Variants in CRACDL observed in about 807,000 individuals in gnomAD.
The protein encoded by CRACDL is CRACD like, also known as CRACD-like protein.
CRACDL carries 26 observed loss-of-function variants against 70.6 expected under a neutral mutation model. The ratio of observed to expected loss-of-function variants is 0.37; its 90% CI spans 0.27 to 0.51. CRACDL has a LOEUF of 0.51. Among genes scored for constraint, CRACDL ranks in the 20% least tolerant of loss-of-function variants. CRACDL has a pLI of 0.94. For synonymous variants in CRACDL, 618 were observed against 615.2 expected (o/e 1.00, Z -0.07); for missense variants, 1,283 against 1,376.9 (o/e 0.93, Z 1.08).
chr2:98,906,038 T>C lies in CRACDL; in HGVS notation c.-11+29900A>G, dbSNP rs1338576576. Among the ~76,000 whole-genome samples, 8 of 152,138 alleles carry C rather than the reference T, an allele frequency of 5.3e-5. No homozygotes were observed. In the South Asian group the frequency reaches 8.3e-4, roughly 16 times the overall value. ...CCTCAAATATTTTTTGGCCCCAATCTCCCTCTCATCTCCTAAATTCCAATT... is the reference window on the plus strand; with the variant it reads ...CCTCAAATATTTTTTGGCCCCAATCCCCCTCTCATCTCCTAAATTCCAATT... On this transcript the variant is annotated intron_variant, in intron 1 of 9. Coordinates refer to ENST00000397899, the MANE Select transcript of CRACDL (RefSeq NM_207362.3).
At chr2:98,934,446 C>T (rs1164785359) in intron 1 of CRACDL, among the ~76,000 whole-genome samples, 8 of 152,138 alleles carry the variant, frequency 5.3e-5, no homozygotes, top group African/African-American at 1.2e-4. Context: ...CCACCTGCCT[C>T]GGCCTCCCAA....
intron 1 of CRACDL, among the ~76,000 whole-genome samples, chr2:98,917,160 G>A (rs1708686651): frequency 6.6e-6 from 1 of 152,116 alleles, no homozygotes; most frequent in Non-Finnish European, 1.5e-5. Flanking sequence ...TTGTGACTAA[G>A]CATCCTTTAG....
intron 1 of CRACDL, among the ~76,000 whole-genome samples, chr2:98,894,287 A>G (rs1708060747): frequency 6.6e-6 from 1 of 152,254 alleles, no homozygotes; most frequent in Non-Finnish European, 1.5e-5. Context: ...TTGGCTGCGA[A>G]GTCACCCTGA....
At chr2:98,883,235 A>G (rs1376071396) in intron 1 of CRACDL, among the ~76,000 whole-genome samples, 1 of 152,212 alleles carries the variant, frequency 6.6e-6, no homozygotes, top group Non-Finnish European at 1.5e-5. Context: ...AGGGCAGGTC[A>G]CCAAAAACAA....
rs750865698 is a variant in CRACDL at position 98,838,229 on chromosome 2, T to C, written c.129A>G (p.Lys43=). Residue 43 remains lysine, a synonymous_variant, in exon 3 of 10, where the codon AAA becomes AAG. Coordinates refer to ENST00000397899, the MANE Select transcript of CRACDL (RefSeq NM_207362.3). The part of the protein sequence containing the change: ...FKKFFGKKKR[K]ESPSSTGSST... ...TACTTCCTGTGGACGACGGCGATTC[T>C]TTTCTCTTCTTCTTCCCAAAAAACT... is the stretch of plus-strand genomic sequence containing the variant. 1 of 1,613,504 alleles carries C rather than the reference T, an allele frequency of 6.2e-7. No homozygotes were observed.
In CRACDL at chr2:98,821,897, C is replaced by CTCCTTCCTGGGT; in HGVS notation, c.2364_2375dup (p.Lys791_Arg794dup). On this transcript the variant is annotated inframe_insertion, in exon 7 of 10. Transcript: ENST00000397899. ...GCGGCCTTTTCTCCGCCGTCCTGGG[C>CTCCTTCCTGGGT]TCCTTCCTGGGTTCCCGCTCTCCCG... The CTCCTTCCTGGGT allele has an allele frequency of 6.2e-7, 1 of 1,604,580 alleles. No homozygotes were observed. The highest frequency in any genetic ancestry group is 1.1e-5 in the South Asian group (1 of 90,168).
At chr2:98,807,504 G>A (rs935387567) in intron 7 of CRACDL, among the ~76,000 whole-genome samples, 1 of 152,178 alleles carries the variant, frequency 6.6e-6, no homozygotes, top group Non-Finnish European at 1.5e-5. Context: ...CACTGCCAAT[G>A]TCTGCTGGGG....
intron 1 of CRACDL, among the ~76,000 whole-genome samples, chr2:98,892,622 A>G (rs1236811457): frequency 6.6e-6 from 1 of 152,040 alleles, no homozygotes; most frequent in Admixed American, 6.6e-5. Context: ...CCCAGAAGGC[A>G]GAGGTTGCAG....
chr2:98,862,341 A>G (rs1224226352), intron 1 of CRACDL, among the ~76,000 whole-genome samples: 2 of 152,300 alleles, frequency 1.3e-5, no homozygotes, highest in East Asian at 3.9e-4. Context: ...GAGTTACCAT[A>G]CTATTAGACT....
At chr2:98,809,991 C>A (rs937883043) in intron 7 of CRACDL, among the ~76,000 whole-genome samples, 5 of 152,280 alleles carry the variant, frequency 3.3e-5, no homozygotes, top group Admixed American at 3.3e-4. Flanking sequence ...TCAGAGTAAA[C>A]CCCACAGATC....
At chr2:98,922,267 C>T (rs1708821757) in intron 1 of CRACDL, among the ~76,000 whole-genome samples, 1 of 151,632 alleles carries the variant, frequency 6.6e-6, no homozygotes, top group Admixed American at 6.6e-5. Flanking sequence ...AGCCCCGTCT[C>T]TACTAAAATA....
intron 2 of CRACDL, among the ~76,000 whole-genome samples, chr2:98,839,372 A>C (rs530101180): frequency 6.6e-6 from 1 of 152,208 alleles, no homozygotes; most frequent in African/African-American, 2.4e-5. Context: ...TAATCGTAAA[A>C]AATGTTTATG....
chr2:98,830,869 G>A (rs975395583), intron 5 of CRACDL, among the ~76,000 whole-genome samples: 1 of 152,200 alleles, frequency 6.6e-6, no homozygotes, highest in East Asian at 1.9e-4. Context: ...TAAAGGCAGA[G>A]AACTGGGATG....
chr2:98,799,350 G>T (rs994921536), intron 7 of CRACDL, among the ~76,000 whole-genome samples: 1 of 152,058 alleles, frequency 6.6e-6, no homozygotes, highest in Non-Finnish European at 1.5e-5. Flanking sequence ...TACAAGCGGG[G>T]TGGCCACTGC....
In CRACDL at chr2:98,805,370, T is replaced by C. The variant is rs368813721; in HGVS notation, c.2417-7833A>G. Among the ~76,000 whole-genome samples the C allele has an allele frequency of 7.2e-5, 11 of 152,256 alleles. No homozygotes were observed. In the East Asian group the frequency reaches 1.4e-3, roughly 19 times the overall value. On this transcript the variant is annotated intron_variant, in intron 7 of 9. Coordinates refer to ENST00000397899, the MANE Select transcript of CRACDL (RefSeq NM_207362.3). ...AGAAGAGCCTAGCTCCCTGTGCACATAGAGAAATGAGGCAAGTTTGCACCC... is the reference window on the plus strand; with the variant it reads ...AGAAGAGCCTAGCTCCCTGTGCACACAGAGAAATGAGGCAAGTTTGCACCC...
intron 1 of CRACDL, among the ~76,000 whole-genome samples, chr2:98,866,472 C>CTTTT (rs869154325): frequency 6.5e-5 from 7 of 107,808 alleles, no homozygotes; most frequent in East Asian, 2.9e-4. Flanking sequence ...ACAATCACTT[C>CTTTT]TTCTTTTTTT....
chr2:98,884,855 C>T (rs1574516), intron 1 of CRACDL, among the ~76,000 whole-genome samples: 5,513 of 152,188 alleles, frequency 0.036, 133 homozygotes, highest in Middle Eastern at 0.065. Context: ...GTTTGTGAGC[C>T]GCCCAGTTCA....
intron 1 of CRACDL, among the ~76,000 whole-genome samples, chr2:98,900,360 G>A (rs1203421971): frequency 1.3e-5 from 2 of 148,764 alleles, no homozygotes; most frequent in Admixed American, 1.3e-4. Flanking sequence ...AGAGGATGGA[G>A]GCTCAGTGGG....
At chr2:98,908,776 C>A (rs866631903) in intron 1 of CRACDL, among the ~76,000 whole-genome samples, 132 of 152,312 alleles carry the variant, frequency 8.7e-4, no homozygotes, top group African/African-American at 3.0e-3. Context: ...CAGAGTCTAC[C>A]GAAGGCTGGG....
Sources: allele counts gnomAD v4.1 joint callset (sites outside exome capture counted in the v4.1 genomes callset), GRCh38; gene constraint gnomAD v4.1.1; transcripts MANE v1.5; gene names NCBI Gene and HGNC (gene_info 2026-07-23, HGNC 2026-07-21).